Variants in ADAM22 observed in about 807,000 individuals in gnomAD.
The protein encoded by ADAM22 is disintegrin and metalloproteinase domain-containing protein 22.
Under a neutral mutation model 144.6 loss-of-function variants are expected in ADAM22, and 65 were observed. That is an observed-to-expected ratio of 0.45 (90% CI 0.37 to 0.55). The LOEUF is 0.55. Ranked by LOEUF, ADAM22 falls within the 20% of genes least tolerant of loss-of-function variation. The probability of loss-of-function intolerance (pLI) is 0.00; values close to 1 mark genes in which losing one functional copy is unlikely to be tolerated. For missense variants in ADAM22, 974 were observed against 1,184.9 expected (o/e 0.82, Z 2.61); for synonymous variants, 391 against 412.6 (o/e 0.95, Z 0.63).
chr7:87,971,956 C>G (rs1562886902), intron 2 of ADAM22, among the ~76,000 whole-genome samples: 1 of 152,116 alleles, frequency 6.6e-6, no homozygotes, highest in African/African-American at 2.4e-5. Flanking sequence ...TTTGGGAGGC[C>G]AAGGCGGGTG....
rs553113329 is a variant in ADAM22 at position 88,022,041 on chromosome 7, TA to T, written c.323+43635del. On this transcript the variant is annotated intron_variant, in intron 3 of 31. Coordinates refer to ENST00000413139, the MANE Select transcript of ADAM22 (RefSeq NM_001324418.2). The stretch of plus-strand genomic sequence containing the variant: ...ACATGTACCACCATGCCTGGCTAAT[TA>T]AAAAATTTTTTATTTTTATTTTTAT... Among the ~76,000 whole-genome samples the T allele has an allele frequency of 4.2e-3, 645 of 151,934 alleles. 3 individuals are homozygous for T. The highest frequency in any genetic ancestry group is 0.015 in the African/African-American group (610 of 41,478).
At chr7:87,977,276 A>G (rs1381421323) in intron 2 of ADAM22, among the ~76,000 whole-genome samples, 2 of 152,098 alleles carry the variant, frequency 1.3e-5, no homozygotes, top group Non-Finnish European at 2.9e-5. Context: ...ACCTAATCTC[A>G]TAGTTTACTG....
intron 7 of ADAM22, among the ~76,000 whole-genome samples, chr7:88,119,335 A>G (rs1828642213): frequency 1.3e-5 from 2 of 152,340 alleles, no homozygotes; most frequent in Non-Finnish European, 1.5e-5. Context: ...CACCTCTGCC[A>G]TTCCTTTTGT....
chr7:88,181,581 C>A lies in ADAM22; in HGVS notation c.2572C>A (p.Arg858=), dbSNP rs939979170. 1 of 1,613,584 alleles carries A rather than the reference C, an allele frequency of 6.2e-7. No homozygotes were observed. Among genetic ancestry groups the A allele is most frequent in the African/African-American group, 1.3e-5 (1 of 74,992 alleles). Residue 858 remains arginine (R), a synonymous_variant, in exon 28 of 32, where the codon CGA becomes AGA. Coordinates refer to ENST00000413139, the MANE Select transcript of ADAM22 (RefSeq NM_001324418.2). ...KHISDICENG[R]PRSNSWQGNL... ...TATTTCAGACATCTGTGAAAATGGGCGACCTCGAAGTAACTCTTGGCAAGG... is the reference window on the plus strand; with the variant it reads ...TATTTCAGACATCTGTGAAAATGGGAGACCTCGAAGTAACTCTTGGCAAGG...
chr7:88,146,945 CCT>C (rs1554500604), intron 17 of ADAM22, among the ~76,000 whole-genome samples: 3 of 152,126 alleles, frequency 2.0e-5, no homozygotes, highest in Non-Finnish European at 2.9e-5. Flanking sequence ...GGCTACCACC[CCT>C]GTTTATTCTG....
At chr7:87,949,089 G>C (rs905321862) in intron 2 of ADAM22, among the ~76,000 whole-genome samples, 2 of 152,136 alleles carry the variant, frequency 1.3e-5, no homozygotes, top group African/African-American at 4.8e-5. Context: ...GAGGATCGTG[G>C]ACCTCATTCT....
intron 3 of ADAM22, among the ~76,000 whole-genome samples, chr7:88,003,148 C>T (rs1438194317): frequency 6.6e-6 from 1 of 151,954 alleles, no homozygotes; most frequent in Non-Finnish European, 1.5e-5. Context: ...TTGTTGCTGC[C>T]CCTGAGGAGA....
chr7:87,958,854 G>A (rs944442090), intron 2 of ADAM22, among the ~76,000 whole-genome samples: 1 of 151,768 alleles, frequency 6.6e-6, no homozygotes, highest in Non-Finnish European at 1.5e-5. Flanking sequence ...TCTTTTTCTT[G>A]TCGATTTTTG....
At chr7:88,103,449 C>A (rs1823497535) in intron 4 of ADAM22, among the ~76,000 whole-genome samples, 1 of 152,016 alleles carries the variant, frequency 6.6e-6, no homozygotes, top group Non-Finnish European at 1.5e-5. Flanking sequence ...ATAAATTTTT[C>A]TCCCATTAGG....
At chr7:88,146,954 T>A (rs966395699) in intron 17 of ADAM22, among the ~76,000 whole-genome samples, 2 of 152,214 alleles carry the variant, frequency 1.3e-5, no homozygotes, top group South Asian at 4.1e-4. Context: ...CCCTGTTTAT[T>A]CTGTCAGCTT....
At chr7:88,125,431 G>C (rs1830178721) in intron 7 of ADAM22, among the ~76,000 whole-genome samples, 158 bp from the exon 8 acceptor site, 1 of 151,818 alleles carries the variant, frequency 6.6e-6, no homozygotes. Flanking sequence ...TGTTTATTTA[G>C]TATTAATATA....
chr7:88,148,793 GA>G (rs1236026278), intron 17 of ADAM22, among the ~76,000 whole-genome samples, 183 bp from the exon 18 acceptor site: 1 of 152,118 alleles, frequency 6.6e-6, no homozygotes, highest in East Asian at 1.9e-4. Context: ...TCATACACAA[GA>G]AACTGTTTCT....
intron 25 of ADAM22, among the ~76,000 whole-genome samples, chr7:88,169,652 G>A (rs1295465203): frequency 1.3e-5 from 2 of 152,038 alleles, no homozygotes; most frequent in South Asian, 4.1e-4. Context: ...GTTACTGGGT[G>A]TATTTCACCT....
rs573779522 is a variant in ADAM22 at position 88,069,149 on chromosome 7, C to T, written c.324-6477C>T. Among the ~76,000 whole-genome samples, 4 of 151,984 alleles carry T rather than the reference C, an allele frequency of 2.6e-5. No homozygotes were observed. The South Asian group carries it at 8.3e-4, about 32-fold the overall frequency. ...TCTCTTGTCTTCCCTTACCTTCCCT[C>T]CCTCTTCCTCCCTCTCCCTACCTCT... On this transcript the variant is annotated intron_variant, in intron 3 of 31. Transcript: ENST00000413139.
At chr7:87,992,753 G>A (rs1437008347) in intron 3 of ADAM22, among the ~76,000 whole-genome samples, 4 of 152,024 alleles carry the variant, frequency 2.6e-5, no homozygotes, top group South Asian at 2.1e-4. Flanking sequence ...TCATGATCTC[G>A]TATAACTGTA....
At chr7:88,011,522 A>G (rs1707279982) in intron 3 of ADAM22, among the ~76,000 whole-genome samples, 1 of 151,478 alleles carries the variant, frequency 6.6e-6, no homozygotes, top group South Asian at 2.1e-4. Context: ...CCTGGGTGAC[A>G]GAGCGAGACT....
chr7:88,036,405 A>T (rs766825985), intron 3 of ADAM22, among the ~76,000 whole-genome samples: 1 of 152,160 alleles, frequency 6.6e-6, no homozygotes, highest in Non-Finnish European at 1.5e-5. Context: ...AGGGCTGGGG[A>T]TGGACATGAA....
At chr7:88,174,616 C>T (rs1426155887) in intron 26 of ADAM22, among the ~76,000 whole-genome samples, 2 of 151,968 alleles carry the variant, frequency 1.3e-5, no homozygotes, top group African/African-American at 4.8e-5. Context: ...TTGCAAATAG[C>T]AATAGAATAA....
At chr7:88,150,080 C>T (rs143127786) in intron 18 of ADAM22, among the ~76,000 whole-genome samples, 13 of 152,306 alleles carry the variant, frequency 8.5e-5, no homozygotes, top group Non-Finnish European at 1.9e-4. Flanking sequence ...GGGACATCGT[C>T]ACCTATATGT....
Sources: gnomAD v4.1 joint callset for allele counts (sites outside exome capture counted in the v4.1 genomes callset) on GRCh38, gnomAD v4.1.1 for gene constraint, MANE v1.5 for transcripts, NCBI Gene and HGNC (gene_info 2026-07-23, HGNC 2026-07-21) for gene names.